The following FNIP1 variants were observed in gnomAD, a reference collection of about 807,000 sequenced individuals.
FNIP1 encodes the protein folliculin-interacting protein 1.
Under a neutral mutation model 124.5 loss-of-function variants are expected in FNIP1, and 40 were observed. The observed-to-expected ratio is 0.32, with a 90% CI of 0.25 to 0.42. FNIP1 has a LOEUF of 0.42. FNIP1 is among the 10% of genes least tolerant of loss of function. The pLI is 1.00. For missense variants in FNIP1, 1,176 were observed against 1,403.7 expected, an observed-to-expected ratio of 0.84 and a Z score of 2.59; for synonymous variants, 472 against 470.6, an observed-to-expected ratio of 1.00 and a Z score of -0.04.
At chr5:131,787,792 T>C (rs1372950843) in intron 1 of FNIP1, among the ~76,000 whole-genome samples, 1 of 152,142 alleles carries the variant, frequency 6.6e-6, no homozygotes, top group Non-Finnish European at 1.5e-5. Flanking sequence ...TGATTAGAAT[T>C]ATGATCTAGG....
chr5:131,740,161 C>A (rs974193081), intron 2 of FNIP1, among the ~76,000 whole-genome samples: 3 of 152,160 alleles, frequency 2.0e-5, no homozygotes, highest in Non-Finnish European at 4.4e-5. Flanking sequence ...AAGTTCTAAA[C>A]TTACAGATTT....
intron 2 of FNIP1, among the ~76,000 whole-genome samples, chr5:131,741,671 A>C (rs1464679738): frequency 6.6e-6 from 1 of 152,218 alleles, no homozygotes; most frequent in African/African-American, 2.4e-5. Context: ...AGGTACTCAA[A>C]GTGAATTATG....
chr5:131,692,784 G>A (rs780731301), intron 11 of FNIP1, among the ~76,000 whole-genome samples: 1 of 152,084 alleles, frequency 6.6e-6, no homozygotes, highest in Non-Finnish European at 1.5e-5. Context: ...AAGGTGGGCA[G>A]ATCGCTTGAG....
Position 131,655,188 on chromosome 5 carries a change from A to T in FNIP1, c.3109-3189T>A, listed in dbSNP as rs577093681. On this transcript the variant is annotated intron_variant, in intron 15 of 17. Transcript: ENST00000510461. ...GCCTAGAAATACGGAAAATAAGAAA[A>T]GTTAGGCATGTCATGAATACATAAA... Among the ~76,000 whole-genome samples, 3 of 152,312 alleles carry T rather than the reference A, an allele frequency of 2.0e-5. No individual in the cohort carries two copies. The East Asian group carries it at 5.8e-4, about 29-fold the overall frequency.
intron 2 of FNIP1, among the ~76,000 whole-genome samples, chr5:131,742,470 CA>C (rs1166328175): frequency 1.3e-5 from 2 of 151,992 alleles, no homozygotes; most frequent in African/African-American, 2.4e-5. Context: ...CTCAAGAAAA[CA>C]AACAGACAAC....
At chr5:131,646,590 C>A (rs1766888758) in intron 17 of FNIP1, among the ~76,000 whole-genome samples, 1 of 152,100 alleles carries the variant, frequency 6.6e-6, no homozygotes. Context: ...ATATTATGCC[C>A]CCCCTACCAA....
At chr5:131,771,180 T>C (rs1771621985) in intron 1 of FNIP1, among the ~76,000 whole-genome samples, 1 of 152,148 alleles carries the variant, frequency 6.6e-6, no homozygotes, top group South Asian at 2.1e-4. Flanking sequence ...TATTAAAAGA[T>C]GTAACCCCAA....
At chr5:131,695,104 C>CAAAT (rs72306515) in intron 11 of FNIP1, among the ~76,000 whole-genome samples, 3,992 of 137,804 alleles carry the variant, frequency 0.029, 101 homozygotes, top group African/African-American at 0.061. Flanking sequence ...GACACTGTCT[C>CAAAT]AAATAAATAA....
At position 131,664,854 on chromosome 5, in the gene FNIP1, T is replaced by C. The variant is rs150725787; in HGVS notation, c.3108+5609A>G. Among the ~76,000 whole-genome samples the C allele has an allele frequency of 1.3e-4, 20 of 150,730 alleles. No homozygotes were observed. The East Asian group carries it at 2.3e-3, about 18-fold the overall frequency. ...AAATATGGGTATATATAAATACATA[T>C]ACATGCATATATTTTATATATAAGG... On this transcript the variant is annotated intron_variant, in intron 15 of 17. Transcript: ENST00000510461.
chr5:131,700,335 G>A (rs1054456786), intron 10 of FNIP1, among the ~76,000 whole-genome samples: 2 of 151,938 alleles, frequency 1.3e-5, no homozygotes, highest in Middle Eastern at 3.2e-3. Context: ...CTTAATCTAG[G>A]TAGGCAAAAA....
rs535580982 is a variant in FNIP1, at chr5:131,733,647, G to A, written c.220-2609C>T. ...GGATTACATTTATTGATTTGCGTATGTTAAACCAGCCTTGCATCCCAGGGA... is the reference window on the plus strand; with the variant it reads ...GGATTACATTTATTGATTTGCGTATATTAAACCAGCCTTGCATCCCAGGGA... On this transcript the variant is annotated intron_variant, in intron 2 of 17. Coordinates refer to ENST00000510461, the MANE Select transcript of FNIP1 (RefSeq NM_133372.3). 5.3e-5 allele frequency among the ~76,000 whole-genome samples: 8 copies of A among 152,298 alleles called. No individual in the cohort carries two copies. In the East Asian group the frequency reaches 5.8e-4, roughly 11 times the overall value.
chr5:131,686,834 C>T (rs922461384), intron 11 of FNIP1, among the ~76,000 whole-genome samples: 2 of 151,652 alleles, frequency 1.3e-5, no homozygotes, highest in African/African-American at 2.4e-5. Flanking sequence ...CAAAGTGCTG[C>T]GATTACAGGC....
chr5:131,746,289 T>C (rs1441162448), intron 1 of FNIP1, among the ~76,000 whole-genome samples: 1 of 152,166 alleles, frequency 6.6e-6, no homozygotes, highest in Non-Finnish European at 1.5e-5. Context: ...TTTCAACTTT[T>C]AAATTCAGGG....
chr5:131,775,199 A>G (rs1202449997), intron 1 of FNIP1, among the ~76,000 whole-genome samples: 2 of 152,196 alleles, frequency 1.3e-5, no homozygotes, highest in African/African-American at 4.8e-5. Context: ...TATAAATAAG[A>G]TATGAGACAG....
chr5:131,791,220 C>A (rs112417353), intron 1 of FNIP1, among the ~76,000 whole-genome samples: 1 of 152,082 alleles, frequency 6.6e-6, no homozygotes, highest in African/African-American at 2.4e-5. Flanking sequence ...GTTATTCCAG[C>A]AAATAAATGC....
chr5:131,697,891 C>T (rs1425185658), intron 11 of FNIP1, among the ~76,000 whole-genome samples: 1 of 150,422 alleles, frequency 6.6e-6, no homozygotes, highest in East Asian at 1.9e-4. Flanking sequence ...ATTGCTTGAA[C>T]CCAGGAGGCA....
intron 3 of FNIP1, among the ~76,000 whole-genome samples, chr5:131,729,522 C>A (rs1770004144): frequency 6.6e-6 from 1 of 152,242 alleles, no homozygotes; most frequent in Non-Finnish European, 1.5e-5. Flanking sequence ...CTGCGCTGAT[C>A]TCACTGGGAG....
chr5:131,665,952 A>G (rs1312133263), intron 15 of FNIP1, among the ~76,000 whole-genome samples: 20 of 135,468 alleles, frequency 1.5e-4, no homozygotes, highest in Admixed American at 4.2e-4. Flanking sequence ...CCCAGGCTGG[A>G]GTGCAGTGGC....
chr5:131,732,402 C>A (rs7702182), intron 2 of FNIP1, among the ~76,000 whole-genome samples: 53 of 151,918 alleles, frequency 3.5e-4, no homozygotes, highest in Non-Finnish European at 6.3e-4. Flanking sequence ...GAGGTCCTTG[C>A]CCATGCCTAT....
Sources: gnomAD v4.1 joint callset for allele counts (sites outside exome capture counted in the v4.1 genomes callset) on GRCh38, gnomAD v4.1.1 for gene constraint, MANE v1.5 for transcripts, NCBI Gene and HGNC (gene_info 2026-07-23, HGNC 2026-07-21) for gene names.